The following MAF variants were observed in gnomAD, a reference collection of about 807,000 sequenced individuals.
The protein encoded by MAF is MAF bZIP transcription factor, also known as transcription factor Maf.
In MAF, 10 loss-of-function variants were observed where a neutral mutation model predicts 22.0. The observed-to-expected ratio is 0.45, with a 90% CI of 0.28 to 0.77. The LOEUF is 0.77. Ranked by LOEUF, MAF falls within the 30% of genes least tolerant of loss-of-function variation. The probability of loss-of-function intolerance (pLI) is 0.12; values close to 1 mark genes in which losing one functional copy is unlikely to be tolerated. For synonymous variants in MAF, 337 were observed against 255.8 expected (o/e 1.32, Z -3.03); for missense variants, 544 against 548.4 (o/e 0.99, Z 0.08).
At chr16:79,293,841 G>C in the MAF span, among the ~76,000 whole-genome samples, 1 of 70,982 alleles carries the variant, frequency 1.4e-5, no homozygotes, top group Non-Finnish European at 2.6e-5. Flanking sequence ...AATGAAAAGA[G>C]AGAGAGAGAG....
the MAF span, among the ~76,000 whole-genome samples, chr16:79,520,248 T>A: frequency 6.6e-6 from 1 of 152,202 alleles, no homozygotes; most frequent in African/African-American, 2.4e-5. Flanking sequence ...CTGGCACTCC[T>A]GGTTCGAGCC....
In MAF at chr16:79,594,293, C is replaced by T; in HGVS notation, c.*167G>A. The T allele has an allele frequency of 1.5e-6, 1 of 686,720 alleles. No homozygotes were observed. Among genetic ancestry groups the T allele is most frequent in the Non-Finnish European group, 2.5e-6 (1 of 400,714 alleles). 42.5% of individuals were successfully genotyped at this position (686,720 alleles called of 1,614,324 possible). A position where few individuals can be genotyped will look rare whatever the true frequency, so the allele number is the denominator to read the frequency against. On this transcript the variant is annotated 3_prime_UTR_variant, in exon 2 of 2. Coordinates refer to ENST00000326043, the MANE Select transcript of MAF (RefSeq NM_005360.5). ...TTCCTACCGGTCTCTATGAAACCCC[C>T]AGACAAGAGGCATAGTTAACTACTA...
the MAF span, among the ~76,000 whole-genome samples, chr16:79,483,604 A>C: frequency 6.6e-6 from 1 of 152,040 alleles, no homozygotes; most frequent in South Asian, 2.1e-4. Flanking sequence ...GACAATTGAG[A>C]ATGAGAATAA....
the MAF span, among the ~76,000 whole-genome samples, chr16:79,229,753 A>T: frequency 1.3e-5 from 2 of 151,902 alleles, no homozygotes; most frequent in Admixed American, 6.6e-5. Context: ...AATACTTTGT[A>T]CCTCCGGGAT....
the MAF span, among the ~76,000 whole-genome samples, chr16:79,267,658 A>G: frequency 1.3e-5 from 2 of 152,212 alleles, no homozygotes; most frequent in Non-Finnish European, 2.9e-5. Context: ...TCTTTTGGGC[A>G]AGACACTTCA....
At chr16:79,243,696 A>G in the MAF span, among the ~76,000 whole-genome samples, 1 of 152,038 alleles carries the variant, frequency 6.6e-6, no homozygotes, top group East Asian at 1.9e-4. Flanking sequence ...AAAACAGGGA[A>G]TCCTCCCTAA....
At chr16:79,381,469 T>A in the MAF span, among the ~76,000 whole-genome samples, 1 of 152,208 alleles carries the variant, frequency 6.6e-6, no homozygotes, top group South Asian at 2.1e-4. Context: ...GAGAAGCGAC[T>A]GCTTGGCTAA....
chr16:79,341,222 A>G, the MAF span, among the ~76,000 whole-genome samples: 1 of 152,208 alleles, frequency 6.6e-6, no homozygotes, highest in Non-Finnish European at 1.5e-5. Flanking sequence ...AAGGAGAGAC[A>G]ATGTAGTGTG....
chr16:79,572,716 T>A, the MAF span, among the ~76,000 whole-genome samples: 1 of 152,156 alleles, frequency 6.6e-6, no homozygotes, highest in Non-Finnish European at 1.5e-5. Flanking sequence ...ACCTTCGAAT[T>A]TCTTCTTGAT....
At chr16:79,434,556 A>T in the MAF span, among the ~76,000 whole-genome samples, 3 of 152,054 alleles carry the variant, frequency 2.0e-5, no homozygotes, top group African/African-American at 7.2e-5. Flanking sequence ...TTTATATGGG[A>T]TGTTTTATAT....
chr16:79,398,853 G>C, the MAF span, among the ~76,000 whole-genome samples: 2 of 152,158 alleles, frequency 1.3e-5, no homozygotes, highest in African/African-American at 4.8e-5. Flanking sequence ...AGCTAGGCCA[G>C]GCATTCTCTG....
chr16:79,329,638 C>T, the MAF span, among the ~76,000 whole-genome samples: 3 of 152,152 alleles, frequency 2.0e-5, no homozygotes, highest in Non-Finnish European at 4.4e-5. Context: ...CTTCCCCCAT[C>T]TGAATAACCC....
At chr16:79,580,804 G>A in the MAF span, among the ~76,000 whole-genome samples, 1 of 96,502 alleles carries the variant, frequency 1.0e-5, no homozygotes, top group African/African-American at 2.9e-5. Context: ...ACTGTTCCAG[G>A]CTTTAAAAGG....
At chr16:79,456,497 T>C in the MAF span, among the ~76,000 whole-genome samples, 2 of 152,138 alleles carry the variant, frequency 1.3e-5, no homozygotes, top group African/African-American at 2.4e-5. Context: ...TCCCCTTACA[T>C]TCAAGAAATG....
At chr16:79,537,335 G>T in the MAF span, among the ~76,000 whole-genome samples, 1 of 152,300 alleles carries the variant, frequency 6.6e-6, no homozygotes, top group South Asian at 2.1e-4. Flanking sequence ...GCCTCTAATA[G>T]TCATCGAGTA....
the MAF span, among the ~76,000 whole-genome samples, chr16:79,513,642 T>G: frequency 6.6e-6 from 1 of 152,160 alleles, no homozygotes; most frequent in Non-Finnish European, 1.5e-5. Context: ...TTACTTAATC[T>G]CCCTGTCCCT....
chr16:79,571,137 G>A, the MAF span, among the ~76,000 whole-genome samples: 22 of 151,370 alleles, frequency 1.5e-4, no homozygotes, highest in Non-Finnish European at 2.4e-4. Flanking sequence ...GTGATCCTTT[G>A]CTACATCCAA....
the MAF span, among the ~76,000 whole-genome samples, chr16:79,245,639 G>A: frequency 1.3e-5 from 2 of 152,064 alleles, no homozygotes; most frequent in South Asian, 2.1e-4. Context: ...CATTGTGGAA[G>A]ACAGTGTGGC....
At chr16:79,587,549 G>C (rs1376610070) in intron 1 of MAF, among the ~76,000 whole-genome samples, 1 of 152,148 alleles carries the variant, frequency 6.6e-6, no homozygotes, top group Admixed American at 6.5e-5. Flanking sequence ...GCAAACATAT[G>C]TTAAGCTTCG....
Sources: allele counts gnomAD v4.1 joint callset (sites outside exome capture counted in the v4.1 genomes callset), GRCh38; gene constraint gnomAD v4.1.1; transcripts MANE v1.5; gene names NCBI Gene and HGNC (gene_info 2026-07-23, HGNC 2026-07-21).